Variants in NMT1 observed in about 807,000 individuals in gnomAD.
NMT1 encodes the protein glycylpeptide N-tetradecanoyltransferase 1.
Under a neutral mutation model 63.4 loss-of-function variants are expected in NMT1, and 12 were observed. The observed-to-expected ratio is 0.19, with a 90% CI of 0.12 to 0.31. The LOEUF (loss-of-function observed/expected upper bound fraction) is 0.31, where lower values mean the gene tolerates loss of function less well. Ranked by LOEUF, NMT1 falls within the 10% of genes least tolerant of loss-of-function variation. The probability of loss-of-function intolerance (pLI) is 1.00; values close to 1 mark genes in which losing one functional copy is unlikely to be tolerated. For synonymous variants in NMT1, 228 were observed against 234.3 expected, an observed-to-expected ratio of 0.97 and a Z score of 0.25; for missense variants, 432 against 634.6, an observed-to-expected ratio of 0.68 and a Z score of 3.43.
chr17:45,079,785 C>T (rs1171368487), intron 1 of NMT1, among the ~76,000 whole-genome samples: 2 of 151,812 alleles, frequency 1.3e-5, no homozygotes, highest in African/African-American at 2.4e-5. Flanking sequence ...CTGCAAGCTC[C>T]GCCTCCCAGG....
chr17:45,096,387 A>G, intron 5 of NMT1, 102 bp downstream of exon 5: 1 of 866,644 alleles, frequency 1.2e-6, no homozygotes, highest in Non-Finnish European at 2.0e-6. Context: ...CAACCTTTGA[A>G]TGGCAAATTA....
chr17:45,073,094 A>T (rs1231551732), intron 1 of NMT1, among the ~76,000 whole-genome samples: 2 of 152,068 alleles, frequency 1.3e-5, no homozygotes, highest in Admixed American at 6.6e-5. Flanking sequence ...CTGTGTGCTC[A>T]GCACAACTAG....
rs60912608 is a variant in NMT1 at position 45,087,989 on chromosome 17, A to G, written c.385+1337A>G. ...CCAAAGCTGCAGAATCAGAACTGCC[A>G]GAGGATTTCTGTCCACTTTGAAAGT... On this transcript the variant is annotated intron_variant, in intron 3 of 11. Transcript: ENST00000258960. Among the ~76,000 whole-genome samples the G allele has an allele frequency of 5.9e-5, 9 of 152,344 alleles. No individual in the cohort carries two copies. The East Asian group carries it at 1.5e-3, about 26-fold the overall frequency.
intron 1 of NMT1, among the ~76,000 whole-genome samples, chr17:45,072,713 C>T (rs1305219803): frequency 5.9e-5 from 9 of 151,888 alleles, no homozygotes; most frequent in Admixed American, 3.3e-4. Context: ...GCGCCCGCCA[C>T]GATGCCTGCC....
At chr17:45,090,977 G>A (rs921068201) in intron 3 of NMT1, among the ~76,000 whole-genome samples, 1 of 152,004 alleles carries the variant, frequency 6.6e-6, no homozygotes, top group African/African-American at 2.4e-5. Flanking sequence ...GCACCACACC[G>A]AGGACAGCAC....
intron 4 of NMT1, among the ~76,000 whole-genome samples, 169 bp downstream of exon 4, chr17:45,093,972 T>C (rs2054107174): frequency 6.6e-6 from 1 of 152,250 alleles, no homozygotes; most frequent in African/African-American, 2.4e-5. Context: ...TCCACATAAA[T>C]AGCTCTTAGC....
chr17:45,081,743 G>A lies in NMT1; in HGVS notation c.231G>A (p.Gln77=). The A allele has an allele frequency of 6.4e-7, 1 of 1,565,220 alleles. No homozygotes were observed. Among genetic ancestry groups the A allele is most frequent in the Non-Finnish European group, 8.7e-7 (1 of 1,154,834 alleles). ...KGSETDSAQD[Q]PVKMNSLPAE... is the part of the protein sequence containing the mutation. Reference sequence around the variant, plus strand: ...GTGAGACAGATTCAGCCCAGGATCAGCCTGTGAAGGTAACAAGGAGGTTCT... The same window carrying A: ...GTGAGACAGATTCAGCCCAGGATCAACCTGTGAAGGTAACAAGGAGGTTCT... The change falls in exon 2 of 12, where the codon CAG becomes CAA. Residue 77 remains glutamine, a synonymous_variant. Transcript: ENST00000258960.
At chr17:45,077,908 G>A (rs1489449480) in intron 1 of NMT1, among the ~76,000 whole-genome samples, 1 of 152,102 alleles carries the variant, frequency 6.6e-6, no homozygotes, top group Non-Finnish European at 1.5e-5. Context: ...TGAGCATCTG[G>A]TTTTAAGGAA....
At chr17:45,062,728 T>A in intron 1 of NMT1, among the ~76,000 whole-genome samples, 1 of 152,296 alleles carries the variant, frequency 6.6e-6, no homozygotes. Flanking sequence ...AGGCATTTAG[T>A]AGGCTATACC....
intron 1 of NMT1, among the ~76,000 whole-genome samples, chr17:45,066,214 C>G (rs750797221): frequency 6.6e-6 from 1 of 151,970 alleles, no homozygotes; most frequent in Admixed American, 6.6e-5. Context: ...CTGCCACACC[C>G]GGCTAATTTT....
intron 7 of NMT1, chr17:45,098,923 G>A (rs1383227006): frequency 4.0e-6 from 1 of 251,606 alleles, no homozygotes; most frequent in African/African-American, 2.2e-5. Context: ...TGAATATTGT[G>A]TGCACCAAAT....
intron 1 of NMT1, among the ~76,000 whole-genome samples, chr17:45,081,405 C>T (rs1053838287): frequency 5.3e-5 from 8 of 152,198 alleles, no homozygotes; most frequent in African/African-American, 1.7e-4. Flanking sequence ...GGAAAAGGCC[C>T]TTTCACACAA....
rs2054179369 is a variant in NMT1, at chr17:45,103,188, G to T, written c.1164+67G>T. 6.7e-7 allele frequency: 1 copy of T among 1,495,446 alleles called. No individual in the cohort carries two copies. The highest frequency in any genetic ancestry group is 1.4e-5 in the African/African-American group (1 of 72,612). The allele number at this position is 1,495,446 out of a possible 1,614,324, so 92.6% of individuals were successfully genotyped here. On this transcript the variant is annotated intron_variant, in intron 9 of 11. Coordinates refer to ENST00000258960, the MANE Select transcript of NMT1 (RefSeq NM_021079.5). This position sits in a 1 kb window ranked among gnomAD's most constrained non-coding sequence, Gnocchi z 4.8. The stretch of plus-strand genomic sequence containing the variant: ...AGAGAGGCACCCCCCTGAGTGGCCG[G>T]GTTCCCAGGGCTCGAGTGTTGGCAC...
chr17:45,091,776 A>G (rs1283100522), intron 3 of NMT1, among the ~76,000 whole-genome samples: 2 of 152,164 alleles, frequency 1.3e-5, no homozygotes, highest in Non-Finnish European at 2.9e-5. Flanking sequence ...CTATAATCCC[A>G]GCATTTTGGG....
chr17:45,094,814 CTTT>C (rs770599475), intron 4 of NMT1, among the ~76,000 whole-genome samples: 2 of 116,672 alleles, frequency 1.7e-5, no homozygotes, highest in Non-Finnish European at 1.7e-5. Flanking sequence ...CTAGGCCTGG[CTTT>C]TTTTTTTTTT....
chr17:45,097,263 C>T lies in NMT1; in HGVS notation c.713+19C>T, dbSNP rs1386512669. On this transcript the variant is annotated intron_variant, in intron 6 of 11. Transcript: ENST00000258960. ...ATGACACGTAAGCACCTGCACCTAC[C>T]CCCACCCCCCACAACACCGCCATCC... 2 of 1,532,826 alleles carry T rather than the reference C, an allele frequency of 1.3e-6. No individual in the cohort carries two copies. The highest frequency in any genetic ancestry group is 1.1e-5 in the South Asian group (1 of 89,504). The allele number at this position is 1,532,826 out of a possible 1,614,324, so 95.0% of individuals were successfully genotyped here. A position where few individuals can be genotyped will look rare whatever the true frequency, so the allele number is the denominator to read the frequency against.
chr17:45,064,801 CG>C (rs1416753350), intron 1 of NMT1, among the ~76,000 whole-genome samples: 1 of 152,138 alleles, frequency 6.6e-6, no homozygotes, highest in Non-Finnish European at 1.5e-5. Flanking sequence ...CCAGCCTGGG[CG>C]ACAGAGCAAG....
Position 45,092,024 on chromosome 17 carries a change from A to T in NMT1, c.386-1661A>T, listed in dbSNP as rs2239919. ...CAACAGAGCAAGACCCCATCTCGCC[A>T]GTCATGAGTTTCCTAACTAGGGAAG... is the stretch of plus-strand genomic sequence containing the variant. On this transcript the variant is annotated intron_variant, in intron 3 of 11. Coordinates refer to ENST00000258960, the MANE Select transcript of NMT1 (RefSeq NM_021079.5). Among the ~76,000 whole-genome samples, 396 of 152,072 alleles carry T rather than the reference A, an allele frequency of 2.6e-3. 2 individuals are homozygous for T. The highest frequency in any genetic ancestry group is 9.3e-3 in the African/African-American group (384 of 41,504).
Position 45,104,158 on chromosome 17 carries a change from C to A in NMT1, c.1332+282C>A. On this transcript the variant is annotated intron_variant, in intron 10 of 11. Coordinates refer to ENST00000258960, the MANE Select transcript of NMT1 (RefSeq NM_021079.5). The surrounding 1 kb of genome is among the most constrained non-coding windows in gnomAD (Gnocchi z 4.2). ...AGGAGCCTGAATAGCCAGGCCTTCC[C>A]TGGGAGGACAGGGCTTCTCCTCACA... The A allele has an allele frequency of 7.5e-7, 1 of 1,329,254 alleles. No individual in the cohort carries two copies. Among genetic ancestry groups the A allele is most frequent in the Non-Finnish European group, 9.7e-7 (1 of 1,031,078 alleles). 82.3% of individuals were successfully genotyped at this position (1,329,254 alleles called of 1,614,324 possible).
Sources: gnomAD v4.1 joint callset for allele counts (sites outside exome capture counted in the v4.1 genomes callset) on GRCh38, gnomAD v4.1.1 for gene constraint, Gnocchi (gnomAD v3.1) non-coding constraint, MANE v1.5 for transcripts, NCBI Gene and HGNC (gene_info 2026-07-23, HGNC 2026-07-21) for gene names.